The following MPHOSPH9 variants were observed in gnomAD, a reference collection of about 807,000 sequenced individuals.
MPHOSPH9 encodes the protein M-phase phosphoprotein 9.
MPHOSPH9 carries 88 observed loss-of-function variants against 145.5 expected under a neutral mutation model. That is an observed-to-expected ratio of 0.60 (90% CI 0.51 to 0.72). MPHOSPH9 has a LOEUF of 0.72. Ranked by LOEUF, MPHOSPH9 falls within the 30% of genes least tolerant of loss-of-function variation. The pLI is 0.00. For missense variants in MPHOSPH9, 1,238 were observed against 1,386.6 expected, an observed-to-expected ratio of 0.89 and a Z score of 1.70; for synonymous variants, 435 against 486.2, an observed-to-expected ratio of 0.89 and a Z score of 1.39.
chr12:123,226,293 G>C (rs1475665089), intron 3 of MPHOSPH9: 1 of 1,113,668 alleles, frequency 9.0e-7, no homozygotes, highest in African/African-American at 1.6e-5. Flanking sequence ...ATTACACTTA[G>C]CAGTTGCTGC....
chr12:123,241,147 T>TG (rs371814302), intron 1 of MPHOSPH9, among the ~76,000 whole-genome samples: 82,553 of 149,938 alleles, frequency 0.55, 26,670 homozygotes, highest in East Asian at 0.74. Flanking sequence ...GGTTGTTTTT[T>TG]TTTTGTTTTT....
Position 123,241,153 on chromosome 12 carries a change from T to TTTTG in MPHOSPH9, c.-159+2699_-159+2700insCAAA, listed in dbSNP as rs367798538. Among the ~76,000 whole-genome samples the TTTTG allele has an allele frequency of 3.2e-3, 109 of 33,922 alleles. 1 individual carries two copies. The South Asian group carries it at 0.043, about 13-fold the overall frequency. 22.3% of individuals were successfully genotyped at this position (33,922 alleles called of 152,430 possible). A position where few individuals can be genotyped will look rare whatever the true frequency, so the allele number is the denominator to read the frequency against. ...TTTATTTGGGGTTGTTTTTTTTTTG[T>TTTTG]TTTTGTTTTTTTTTTAATAAAAGAG... On this transcript the variant is annotated intron_variant, in intron 1 of 2. Coordinates refer to the MPHOSPH9 transcript ENST00000545406.
chr12:123,218,646 C>G, intron 5 of MPHOSPH9, 147 bp from the exon 6 acceptor site: 1 of 685,254 alleles, frequency 1.5e-6, no homozygotes, highest in Non-Finnish European at 2.4e-6. Context: ...GTGCCTCAGT[C>G]TCCTGAATAG....
rs535465312 is a variant in MPHOSPH9 at position 123,191,073 on chromosome 12, G to C, written c.2241+3313C>G. On this transcript the variant is annotated intron_variant, in intron 13 of 23. Transcript: ENST00000606320. Reference sequence around the variant, plus strand: ...GCGGTGGCTCATGCCTGTCATCTCAGCACTTTGGGAGGCTGAGGCAGGTGG... The same window carrying C: ...GCGGTGGCTCATGCCTGTCATCTCACCACTTTGGGAGGCTGAGGCAGGTGG... Among the ~76,000 whole-genome samples the C allele has an allele frequency of 6.6e-5, 10 of 152,234 alleles. No individual in the cohort carries two copies. In the South Asian group the frequency reaches 1.7e-3, roughly 25 times the overall value.
At position 123,201,849 on chromosome 12, in the gene MPHOSPH9, G is replaced by T. The variant is rs1038424589; in HGVS notation, c.1937+315C>A. The stretch of plus-strand genomic sequence containing the variant: ...TTTTTGGAATGGGCCTATTAAAAAG[G>T]TGAAGAACTGCCACAGGACATAAGC... On this transcript the variant is annotated intron_variant, in intron 11 of 23. Coordinates refer to ENST00000606320, the MANE Select transcript of MPHOSPH9 (RefSeq NM_022782.4). Among the ~76,000 whole-genome samples, 3 of 152,082 alleles carry T rather than the reference G, an allele frequency of 2.0e-5. No individual in the cohort carries two copies. The South Asian group carries it at 6.2e-4, about 32-fold the overall frequency.
intron 18 of MPHOSPH9, 105 bp downstream of exon 18, chr12:123,165,196 GC>G: frequency 9.0e-7 from 1 of 1,109,518 alleles, no homozygotes; most frequent in Non-Finnish European, 1.3e-6. Context: ...AGTTTACAGA[GC>G]TAAAACTTTT....
At chr12:123,200,701 A>T (rs927319716) in intron 11 of MPHOSPH9, among the ~76,000 whole-genome samples, 4 of 145,550 alleles carry the variant, frequency 2.7e-5, no homozygotes, top group Admixed American at 7.1e-5. Flanking sequence ...CCCAGGCTGG[A>T]GTGCAGGAGT....
intron 8 of MPHOSPH9, among the ~76,000 whole-genome samples, chr12:123,203,769 A>T (rs1344116021): frequency 6.6e-6 from 1 of 151,990 alleles, no homozygotes; most frequent in Non-Finnish European, 1.5e-5. Flanking sequence ...CTGCAGCCTC[A>T]ATCTCCCAGG....
At chr12:123,230,993 T>A (rs572362680) in intron 1 of MPHOSPH9, among the ~76,000 whole-genome samples, 19 of 152,308 alleles carry the variant, frequency 1.2e-4, no homozygotes, top group African/African-American at 4.6e-4. Flanking sequence ...TGCACAACCT[T>A]GTGAACTAAA....
chr12:123,223,529 C>T (rs1421994720), intron 3 of MPHOSPH9, among the ~76,000 whole-genome samples: 1 of 152,180 alleles, frequency 6.6e-6, no homozygotes, highest in Non-Finnish European at 1.5e-5. Flanking sequence ...ACGCACCTGC[C>T]TCACGGGCAT....
intron 5 of MPHOSPH9, among the ~76,000 whole-genome samples, chr12:123,219,077 ATTTTTTTTGT>A (rs1387011053): frequency 6.7e-6 from 1 of 150,096 alleles, no homozygotes; most frequent in Non-Finnish European, 1.5e-5. Flanking sequence ...TAATTTTTCT[ATTTTTTTTGT>A]AGAGCCAGGG....
At chr12:123,185,798 TA>T (rs1409629618) in intron 13 of MPHOSPH9, among the ~76,000 whole-genome samples, 2 of 151,926 alleles carry the variant, frequency 1.3e-5, no homozygotes, top group African/African-American at 4.8e-5. Flanking sequence ...GATTCTGGAT[TA>T]AAAAGCAAAA....
intron 16 of MPHOSPH9, among the ~76,000 whole-genome samples, chr12:123,173,365 A>C (rs1382927816): frequency 2.0e-5 from 3 of 152,146 alleles, no homozygotes; most frequent in Non-Finnish European, 4.4e-5. Flanking sequence ...TAACTTTCAT[A>C]TCCCTTGTTG....
At chr12:123,228,746 T>C (rs1381671042) in intron 2 of MPHOSPH9, among the ~76,000 whole-genome samples, 1 of 152,162 alleles carries the variant, frequency 6.6e-6, no homozygotes, top group Non-Finnish European at 1.5e-5. Flanking sequence ...ATAGCTGTAA[T>C]AATCAAGTTT....
intron 16 of MPHOSPH9, among the ~76,000 whole-genome samples, chr12:123,176,367 G>A (rs2044863029): frequency 6.6e-6 from 1 of 152,184 alleles, no homozygotes; most frequent in Non-Finnish European, 1.5e-5. Flanking sequence ...GACCTTTTGA[G>A]ATGTTCTAGC....
chr12:123,210,823 C>A (rs1012353093), intron 7 of MPHOSPH9, among the ~76,000 whole-genome samples: 1 of 151,892 alleles, frequency 6.6e-6, no homozygotes, highest in Non-Finnish European at 1.5e-5. Flanking sequence ...GACAGAGTCT[C>A]GCTCTGTTGC....
At chr12:123,239,596 G>C (rs1011899108) in intron 1 of MPHOSPH9, among the ~76,000 whole-genome samples, 6 of 151,980 alleles carry the variant, frequency 3.9e-5, no homozygotes, top group Non-Finnish European at 7.4e-5. Flanking sequence ...TAGAGACGGG[G>C]TTTCACCGTG....
rs757602144 is a variant in MPHOSPH9 at position 123,165,317 on chromosome 12, C to T, written c.2752G>A (p.Glu918Lys). ...FKNWGTQTEK[E>K]DTSNINPRQT... ...AAATACTCACTATTTGAGGTGTCCT[C>T]TTTCTCTGTCTGTGTCCCCCAATTT... Residue 918 changes from glutamate to lysine, a missense_variant, in exon 18 of 24, where the codon GAG becomes AAG. Physicochemically the swap from Glu to Lys is moderately conservative, Grantham distance 56. This residue lies in a region of MPHOSPH9 where 393 missense variants were observed against 462.5 expected (regional missense o/e 0.85). Transcript: ENST00000606320. 1 of 1,613,530 alleles carries T rather than the reference C, an allele frequency of 6.2e-7. No homozygotes were observed. The highest frequency in any genetic ancestry group is 1.1e-5 in the South Asian group (1 of 90,996).
intron 11 of MPHOSPH9, among the ~76,000 whole-genome samples, chr12:123,199,942 C>T (rs1413413922): frequency 1.3e-5 from 2 of 152,104 alleles, no homozygotes; most frequent in Non-Finnish European, 2.9e-5. Context: ...GTTCATGATC[C>T]TAACCACTGT....
Sources: allele counts gnomAD v4.1 joint callset (sites outside exome capture counted in the v4.1 genomes callset), GRCh38; gene constraint gnomAD v4.1.1; regional missense constraint gnomAD v4.1.1; transcripts MANE v1.5; gene names NCBI Gene and HGNC (gene_info 2026-07-23, HGNC 2026-07-21).